The following PPP2R5E variants were observed in gnomAD, a reference collection of about 807,000 sequenced individuals.
PPP2R5E encodes serine/threonine-protein phosphatase 2A 56 kDa regulatory subunit epsilon isoform.
In PPP2R5E, 4 loss-of-function variants were observed where a neutral mutation model predicts 65.3. That is an observed-to-expected ratio of 0.06 (90% CI 0.03 to 0.14). The LOEUF (loss-of-function observed/expected upper bound fraction) is 0.14, where lower values mean the gene tolerates loss of function less well. PPP2R5E is among the 10% of genes least tolerant of loss of function. The probability of loss-of-function intolerance (pLI) is 1.00; values close to 1 mark genes in which losing one functional copy is unlikely to be tolerated. For synonymous variants in PPP2R5E, 183 were observed against 187.4 expected (o/e 0.98, Z 0.19); for missense variants, 274 against 556.1 (o/e 0.49, Z 5.10).
At chr14:63,532,966 G>A (rs555438406) in intron 2 of PPP2R5E, among the ~76,000 whole-genome samples, 11 of 152,142 alleles carry the variant, frequency 7.2e-5, no homozygotes, top group Middle Eastern at 3.4e-3. Flanking sequence ...CAAGTACCTA[G>A]GACTACAGGT....
intron 11 of PPP2R5E, among the ~76,000 whole-genome samples, chr14:63,385,730 G>T (rs1040598560): frequency 6.6e-6 from 1 of 151,986 alleles, no homozygotes; most frequent in African/African-American, 2.4e-5. Flanking sequence ...AGAGACTCAG[G>T]GAGACTGAGT....
intron 2 of PPP2R5E, among the ~76,000 whole-genome samples, chr14:63,500,366 T>C (rs1891806412): frequency 6.6e-6 from 1 of 152,228 alleles, no homozygotes; most frequent in African/African-American, 2.4e-5. Flanking sequence ...CAAATGAAGA[T>C]GCATACTTAC....
At position 63,431,236 on chromosome 14, in the gene PPP2R5E, C is replaced by T. The variant is rs112145676; in HGVS notation, c.355-9142G>A. Among the ~76,000 whole-genome samples, 733 of 151,732 alleles carry T rather than the reference C, an allele frequency of 4.8e-3. 4 individuals carry two copies. The highest frequency in any genetic ancestry group is 6.7e-3 in the Non-Finnish European group (457 of 67,942). On this transcript the variant is annotated intron_variant, in intron 3 of 13. Coordinates refer to ENST00000337537, the MANE Select transcript of PPP2R5E (RefSeq NM_006246.5). ...TGAGCCAAGATCACGCCACTGCACT[C>T]CAGCCTGGCGACAGAGCTAGACTCT...
rs185834185 is a variant in PPP2R5E, at chr14:63,529,211, G to A, written c.157+10318C>T. Among the ~76,000 whole-genome samples the A allele has an allele frequency of 1.1e-4, 16 of 152,116 alleles. No individual in the cohort carries two copies. In the South Asian group the frequency reaches 1.7e-3, roughly 16 times the overall value. On this transcript the variant is annotated intron_variant, in intron 2 of 13. Coordinates refer to ENST00000337537, the MANE Select transcript of PPP2R5E (RefSeq NM_006246.5). ...ACCTGGCCTCAGGAGATCCTCCTGCGTCCTCCCAAAGTGCTGGGATTACAG... is the reference window on the plus strand; with the variant it reads ...ACCTGGCCTCAGGAGATCCTCCTGCATCCTCCCAAAGTGCTGGGATTACAG...
At chr14:63,460,501 G>A (rs1349714103) in intron 2 of PPP2R5E, among the ~76,000 whole-genome samples, 3 of 152,168 alleles carry the variant, frequency 2.0e-5, no homozygotes. Flanking sequence ...TTTAAGAGAA[G>A]TTGCAGTCTA....
At chr14:63,456,175 A>G (rs1889119113) in intron 2 of PPP2R5E, among the ~76,000 whole-genome samples, 1 of 152,256 alleles carries the variant, frequency 6.6e-6, no homozygotes, top group Admixed American at 6.5e-5. Context: ...AAATCAGACT[A>G]TCTACATGTT....
intron 2 of PPP2R5E, among the ~76,000 whole-genome samples, chr14:63,518,661 T>C (rs1298708494): frequency 1.3e-5 from 2 of 152,178 alleles, no homozygotes; most frequent in Non-Finnish European, 2.9e-5. Context: ...AAGTGACTTG[T>C]TTGCATGGAA....
At chr14:63,448,866 C>T (rs2139459502) in intron 3 of PPP2R5E, among the ~76,000 whole-genome samples, 1 of 151,276 alleles carries the variant, frequency 6.6e-6, no homozygotes, top group South Asian at 2.1e-4. Context: ...TTTGTTTATA[C>T]CCATAAGAGC....
chr14:63,520,766 A>G (rs1397420502), intron 2 of PPP2R5E, among the ~76,000 whole-genome samples: 1 of 150,424 alleles, frequency 6.6e-6, no homozygotes, highest in African/African-American at 2.4e-5. Context: ...CTGTAATCCC[A>G]GCACTTTGGG....
intron 2 of PPP2R5E, among the ~76,000 whole-genome samples, chr14:63,471,590 A>G (rs562610925): frequency 7.9e-5 from 12 of 152,292 alleles, no homozygotes; most frequent in African/African-American, 2.9e-4. Flanking sequence ...TACATGTATT[A>G]ACTCCTTTAA....
At chr14:63,465,450 C>CAAAAAAAAAAAAAAAAAAAAAA (rs1171345415) in intron 2 of PPP2R5E, among the ~76,000 whole-genome samples, 1 of 47,418 alleles carries the variant, frequency 2.1e-5, no homozygotes, top group African/African-American at 7.7e-5. Context: ...TCCACCTCTA[C>CAAAAAAAAAAAAAAAAAAAAAA]AAAAAAAAAA....
intron 11 of PPP2R5E, among the ~76,000 whole-genome samples, chr14:63,386,980 CT>C (rs11300841): frequency 0.15 from 22,818 of 151,054 alleles, 2,408 homozygotes; most frequent in East Asian, 0.48. Flanking sequence ...TTAAGCTCGG[CT>C]TCGAAGGATG....
chr14:63,534,177 G>C (rs1263695942), intron 2 of PPP2R5E, among the ~76,000 whole-genome samples: 2 of 152,140 alleles, frequency 1.3e-5, no homozygotes, highest in Admixed American at 1.3e-4. Flanking sequence ...GTGTGTTTGT[G>C]TGTTTGCCTA....
In PPP2R5E at chr14:63,523,212, C is replaced by T. The variant is rs1274279519; in HGVS notation, c.157+16317G>A. The stretch of plus-strand genomic sequence containing the variant: ...CACCACCCCATCTGGGAGGTGTGCC[C>T]GGCAGCTCATTGAGAACGGGCCATG... On this transcript the variant is annotated intron_variant, in intron 2 of 13. Coordinates refer to ENST00000337537, the MANE Select transcript of PPP2R5E (RefSeq NM_006246.5). Among the ~76,000 whole-genome samples, 4 of 151,856 alleles carry T rather than the reference C, an allele frequency of 2.6e-5. No individual in the cohort carries two copies. In the East Asian group the frequency reaches 7.8e-4, roughly 30 times the overall value.
At chr14:63,417,719 A>G (rs1285564003) in intron 4 of PPP2R5E, among the ~76,000 whole-genome samples, 1 of 152,134 alleles carries the variant, frequency 6.6e-6, no homozygotes, top group Non-Finnish European at 1.5e-5. Context: ...GCTTTTTTAC[A>G]TTTTTAATTA....
rs374563795 is a variant in PPP2R5E at position 63,440,948 on chromosome 14, C to CAAA, written c.354+12738_354+12740dup. Among the ~76,000 whole-genome samples, 7 of 67,662 alleles carry CAAA rather than the reference C, an allele frequency of 1.0e-4. 1 individual carries two copies. Among genetic ancestry groups the CAAA allele is most frequent in the Non-Finnish European group, 1.5e-4 (5 of 34,258 alleles). 44.4% of individuals were successfully genotyped at this position (67,662 alleles called of 152,430 possible). ...TGGGCAACAGAGCGAGACTCCATCTCAAAAAAAAAAAAAAAAAAAGAGTAT... is the reference window on the plus strand; with the variant it reads ...TGGGCAACAGAGCGAGACTCCATCTCAAAAAAAAAAAAAAAAAAAAAAGAGTAT... On this transcript the variant is annotated intron_variant, in intron 3 of 13. Transcript: ENST00000337537.
intron 3 of PPP2R5E, among the ~76,000 whole-genome samples, chr14:63,448,625 C>T (rs1432060406): frequency 6.6e-6 from 1 of 151,850 alleles, no homozygotes; most frequent in Admixed American, 6.6e-5. Flanking sequence ...CCTGTCTCTA[C>T]TAAAAATACA....
intron 2 of PPP2R5E, among the ~76,000 whole-genome samples, chr14:63,486,797 C>G (rs1371150554): frequency 6.6e-6 from 1 of 152,142 alleles, no homozygotes; most frequent in Admixed American, 6.6e-5. Flanking sequence ...GCCTTTCTCT[C>G]CAACCACCCT....
At chr14:63,532,574 T>C (rs551197719) in intron 2 of PPP2R5E, among the ~76,000 whole-genome samples, 80 of 152,342 alleles carry the variant, frequency 5.3e-4, no homozygotes, top group Non-Finnish European at 8.7e-4. Flanking sequence ...AAATTTCATA[T>C]TATTCATATT....
Sources: gnomAD v4.1 joint callset for allele counts (sites outside exome capture counted in the v4.1 genomes callset) on GRCh38, gnomAD v4.1.1 for gene constraint, MANE v1.5 for transcripts, NCBI Gene and HGNC (gene_info 2026-07-23, HGNC 2026-07-21) for gene names.